WFDC11: variants seen among roughly 807,000 people sequenced by gnomAD.
WFDC11 encodes the protein protein WFDC11.
Under a neutral mutation model 9.9 loss-of-function variants are expected in WFDC11, and 9 were observed. The observed-to-expected ratio is 0.91, with a 90% CI of 0.55 to 1.58. The LOEUF is 1.58. Among genes scored for constraint, WFDC11 ranks in the 40% most tolerant of loss-of-function variants. The pLI is 0.00. For missense variants in WFDC11, 106 were observed against 101.7 expected (o/e 1.04, Z -0.18); for synonymous variants, 32 against 33.3 (o/e 0.96, Z 0.13).
chr20:45,654,603 G>C (rs754229323), intron 2 of WFDC11, among the ~76,000 whole-genome samples: 1 of 152,278 alleles, frequency 6.6e-6, no homozygotes, highest in Middle Eastern at 3.4e-3. Context: ...GAAGGAAATA[G>C]AGACATAAAA....
In WFDC11 at chr20:45,651,417, T is replaced by C. The variant is rs77927166; in HGVS notation, c.-51-766A>G. On this transcript the variant is annotated intron_variant, in intron 2 of 4. Coordinates refer to ENST00000324384, the MANE Select transcript of WFDC11 (RefSeq NM_147197.2). Reference sequence around the variant, plus strand: ...TTGTTTGTTTGTTTTTGTTGTTGCATAATATTCCATTCTGTGAATATGTCA... The same window carrying C: ...TTGTTTGTTTGTTTTTGTTGTTGCACAATATTCCATTCTGTGAATATGTCA... Among the ~76,000 whole-genome samples, 3 of 152,212 alleles carry C rather than the reference T, an allele frequency of 2.0e-5. No individual in the cohort carries two copies. In the South Asian group the frequency reaches 6.2e-4, roughly 31 times the overall value.
intron 2 of WFDC11, among the ~76,000 whole-genome samples, chr20:45,657,756 A>G (rs1287159636): frequency 2.6e-5 from 4 of 152,182 alleles, no homozygotes; most frequent in Admixed American, 2.6e-4. Context: ...ACAGTATTAA[A>G]TACATTACAT....
At chr20:45,658,190 G>A (rs959553027) in intron 2 of WFDC11, among the ~76,000 whole-genome samples, 1 of 151,844 alleles carries the variant, frequency 6.6e-6, no homozygotes, top group African/African-American at 2.4e-5. Flanking sequence ...AGTTTCCACT[G>A]GCCTTTTTAC....
chr20:45,650,633 T>C lies in WFDC11; in HGVS notation c.-33A>G. The C allele has an allele frequency of 6.3e-7, 1 of 1,578,914 alleles. No homozygotes were observed. Among genetic ancestry groups the C allele is most frequent in the Non-Finnish European group, 8.7e-7 (1 of 1,148,238 alleles). On this transcript the variant is annotated 5_prime_UTR_variant, in exon 3 of 5. Transcript: ENST00000324384. ...TGAATATGTGTTGTCAGAAGGATTA[T>C]TTTTCTTCCCAGTCGCTGCTAGAGA...
At chr20:45,663,584 A>G (rs924453336) in intron 2 of WFDC11, among the ~76,000 whole-genome samples, 7 of 152,172 alleles carry the variant, frequency 4.6e-5, no homozygotes, top group African/African-American at 9.7e-5. Flanking sequence ...ATTTCCCTCT[A>G]TGCACTGCTT....
chr20:45,655,927 T>C (rs1391459413), intron 2 of WFDC11, among the ~76,000 whole-genome samples: 2 of 151,962 alleles, frequency 1.3e-5, no homozygotes, highest in Non-Finnish European at 2.9e-5. Flanking sequence ...CTCAATGAAA[T>C]AAAAGAGGAT....
chr20:45,661,366 T>C (rs945202220), intron 2 of WFDC11, among the ~76,000 whole-genome samples: 35 of 151,860 alleles, frequency 2.3e-4, no homozygotes, highest in Admixed American at 2.0e-3. Context: ...ATTTTGTAGG[T>C]TGCCTGTTCA....
chr20:45,652,651 G>A lies in WFDC11; in HGVS notation c.-51-2000C>T, dbSNP rs533137906. 1.0e-3 allele frequency among the ~76,000 whole-genome samples: 157 copies of A among 152,170 alleles called. 1 individual carries two copies. Among genetic ancestry groups the A allele is most frequent in the African/African-American group, 3.3e-3 (137 of 41,516 alleles). ...TACTCTGAGCTAAAGGAGGAAGTTC[G>A]AACCCATGGCAAAGAATTTAAAAAC... On this transcript the variant is annotated intron_variant, in intron 2 of 4. Coordinates refer to ENST00000324384, the MANE Select transcript of WFDC11 (RefSeq NM_147197.2).
intron 2 of WFDC11, among the ~76,000 whole-genome samples, chr20:45,657,324 A>G (rs1982955364): frequency 1.3e-5 from 2 of 151,628 alleles, no homozygotes; most frequent in African/African-American, 4.8e-5. Flanking sequence ...TCAGCAAACT[A>G]TCGCAAGGAC....
At chr20:45,654,488 TA>T (rs1450047332) in intron 2 of WFDC11, among the ~76,000 whole-genome samples, 4 of 152,106 alleles carry the variant, frequency 2.6e-5, no homozygotes, top group Non-Finnish European at 5.9e-5. Context: ...AGGAAAGATC[TA>T]AAACTGACAC....
In WFDC11 at chr20:45,648,729, C is replaced by T. The variant is rs1982736060; in HGVS notation, c.254G>A (p.Gly85Glu). ...NICWINVETS[G>E]DY ...TGGGAAGCTACGGTTTTAGTAATCT[C>T]CACTGGTTTCCTGTAAAACAAAAAG... Residue 85 changes from glycine to glutamate, a missense_variant, in exon 5 of 5, where the codon GGA (glycine) becomes GAA (glutamate). Gly to Glu is a moderately conservative substitution (Grantham distance 98). Coordinates refer to ENST00000324384, the MANE Select transcript of WFDC11 (RefSeq NM_147197.2). 1.2e-6 allele frequency: 2 copies of T among 1,614,120 alleles called. No homozygotes were observed. Among genetic ancestry groups the T allele is most frequent in the Non-Finnish European group, 1.7e-6 (2 of 1,179,978 alleles).
At chr20:45,657,370 G>A (rs1982956959) in intron 2 of WFDC11, among the ~76,000 whole-genome samples, 2 of 148,050 alleles carry the variant, frequency 1.4e-5, no homozygotes, top group Admixed American at 6.9e-5. Context: ...ACTCATAGGT[G>A]GGAATTGAAC....
At chr20:45,668,989 G>T (rs145796853) in intron 1 of WFDC11, among the ~76,000 whole-genome samples, 1 of 151,976 alleles carries the variant, frequency 6.6e-6, no homozygotes. Flanking sequence ...ATAATGTTTA[G>T]GCTATACTTG....
At chr20:45,653,465 C>T (rs192975346) in intron 2 of WFDC11, among the ~76,000 whole-genome samples, 426 of 152,090 alleles carry the variant, frequency 2.8e-3, no homozygotes, top group Admixed American at 4.3e-3. Context: ...TGGTACCAGC[C>T]ACTTGAAAAA....
Position 45,656,372 on chromosome 20 carries a change from T to A in WFDC11, c.-51-5721A>T, listed in dbSNP as rs892744481. On this transcript the variant is annotated intron_variant, in intron 2 of 4. Coordinates refer to ENST00000324384, the MANE Select transcript of WFDC11 (RefSeq NM_147197.2). ...ATTTAATAAATGGTGCTGGGAAAAC[T>A]GGCTAGCCATGTGCAGAAAGCTGAA... Among the ~76,000 whole-genome samples, 4 of 152,350 alleles carry A rather than the reference T, an allele frequency of 2.6e-5. No individual in the cohort carries two copies. In the East Asian group the frequency reaches 7.7e-4, roughly 29 times the overall value.
intron 2 of WFDC11, among the ~76,000 whole-genome samples, chr20:45,663,918 G>A (rs1036275996): frequency 5.3e-5 from 8 of 152,172 alleles, no homozygotes; most frequent in African/African-American, 1.7e-4. Context: ...TGGGTGGAGA[G>A]TTTTGTAGAT....
chr20:45,653,650 G>A (rs1298774604), intron 2 of WFDC11, among the ~76,000 whole-genome samples: 2 of 152,142 alleles, frequency 1.3e-5, no homozygotes, highest in Non-Finnish European at 2.9e-5. Context: ...TGGATAAAGA[G>A]TCAAGACCCA....
At chr20:45,655,203 A>G (rs1789375950) in intron 2 of WFDC11, among the ~76,000 whole-genome samples, 1 of 152,242 alleles carries the variant, frequency 6.6e-6, no homozygotes, top group South Asian at 2.1e-4. Flanking sequence ...GGCAAACTGA[A>G]TCCAGCAGCA....
At chr20:45,659,480 T>C (rs1296239409) in intron 2 of WFDC11, among the ~76,000 whole-genome samples, 2 of 152,274 alleles carry the variant, frequency 1.3e-5, no homozygotes, top group Non-Finnish European at 2.9e-5. Context: ...GAGCTTTTTT[T>C]CATATGTTTG....
Sources: allele counts gnomAD v4.1 joint callset (sites outside exome capture counted in the v4.1 genomes callset), GRCh38; gene constraint gnomAD v4.1.1; transcripts MANE v1.5; gene names NCBI Gene and HGNC (gene_info 2026-07-23, HGNC 2026-07-21).